Variants in TBC1D32 observed in about 807,000 individuals in gnomAD.
The protein encoded by TBC1D32 is TBC1 domain family member 32, also known as protein broad-minded.
In TBC1D32, 151 loss-of-function variants were observed where a neutral mutation model predicts 170.3. The ratio of observed to expected loss-of-function variants is 0.89; its 90% confidence interval spans 0.78 to 1.01. The LOEUF (loss-of-function observed/expected upper bound fraction) is 1.01. TBC1D32 is among the 50% of genes least tolerant of loss of function. The pLI is 0.00. For synonymous variants in TBC1D32, 498 were observed against 488.0 expected, an observed-to-expected ratio of 1.02 and a Z score of -0.27; for missense variants, 1,464 against 1,457.1, an observed-to-expected ratio of 1.00 and a Z score of -0.08.
At chr6:121,230,343 A>C (rs537675501) in intron 20 of TBC1D32, among the ~76,000 whole-genome samples, 1 of 152,280 alleles carries the variant, frequency 6.6e-6, no homozygotes, top group East Asian at 1.9e-4. Context: ...CTATATGCCA[A>C]GCATTCTGCC....
chr6:121,330,799 A>G (rs1811120926), intron 1 of TBC1D32, among the ~76,000 whole-genome samples: 1 of 152,172 alleles, frequency 6.6e-6, no homozygotes, highest in Non-Finnish European at 1.5e-5. Flanking sequence ...TTGAAAAGCA[A>G]TGCTGCTTTA....
chr6:121,192,084 C>CTA (rs1562844877), intron 22 of TBC1D32, among the ~76,000 whole-genome samples: 2 of 126,344 alleles, frequency 1.6e-5, no homozygotes, highest in South Asian at 4.4e-4. Flanking sequence ...ATATATATAT[C>CTA]CTATTAGTTC....
intron 4 of TBC1D32, 72 bp from the exon 5 acceptor site, chr6:121,308,173 T>C: frequency 2.1e-6 from 3 of 1,416,002 alleles, no homozygotes; most frequent in Non-Finnish European, 2.9e-6. Context: ...AAACAATATT[T>C]AACAAACTAC....
intron 15 of TBC1D32, among the ~76,000 whole-genome samples, chr6:121,268,941 G>C (rs1276486948): frequency 1.3e-5 from 2 of 152,180 alleles, no homozygotes; most frequent in Non-Finnish European, 2.9e-5. Flanking sequence ...AGCCAGAAGA[G>C]AGTAGCAGCC....
rs778914931 is a variant in TBC1D32 at position 121,223,274 on chromosome 6, T to C, written c.2443A>G (p.Thr815Ala). 20 of 1,590,392 alleles carry C rather than the reference T, an allele frequency of 1.3e-5. No individual in the cohort carries two copies. Among genetic ancestry groups the C allele is most frequent in the Non-Finnish European group, 1.7e-5 (20 of 1,171,824 alleles). ...GGGACTTCACGAAGAGAATATTCTG[T>C]TTTATTAGGAAGATCTTGATTCCTT... ...LVRNQDLPNKTEYSLREVPTC... is the reference protein window; with the variant it reads ...LVRNQDLPNKAEYSLREVPTC... The change falls in exon 21 of 32, where the codon ACA becomes GCA. Residue 815 changes from threonine to alanine, a missense_variant. This residue lies in a region of TBC1D32 where 1,363 missense variants were observed against 1,338.1 expected (regional missense o/e 1.02). Transcript: ENST00000398212.
chr6:121,261,187 C>T (rs1799718386), intron 15 of TBC1D32, among the ~76,000 whole-genome samples: 1 of 152,176 alleles, frequency 6.6e-6, no homozygotes, highest in Non-Finnish European at 1.5e-5. Context: ...TATGGAACAG[C>T]AGACTTAGTC....
chr6:121,149,441 A>G (rs1213181789), intron 24 of TBC1D32, among the ~76,000 whole-genome samples: 13 of 152,130 alleles, frequency 8.5e-5, no homozygotes, highest in Non-Finnish European at 2.9e-5. Context: ...TGTATAAGTT[A>G]TAACAAAGGG....
intron 22 of TBC1D32, among the ~76,000 whole-genome samples, chr6:121,177,003 C>T (rs1348301355): frequency 6.6e-6 from 1 of 152,140 alleles, no homozygotes; most frequent in Non-Finnish European, 1.5e-5. Context: ...GGTGATGCTA[C>T]TGTGCTGCCA....
intron 1 of TBC1D32, among the ~76,000 whole-genome samples, chr6:121,329,947 G>T (rs975085168): frequency 6.6e-6 from 1 of 152,030 alleles, no homozygotes; most frequent in Admixed American, 6.6e-5. Flanking sequence ...TCATAATAAA[G>T]TTACTAGGAA....
chr6:121,234,537 A>G (rs1563009354), intron 20 of TBC1D32, among the ~76,000 whole-genome samples: 1 of 151,962 alleles, frequency 6.6e-6, no homozygotes, highest in Non-Finnish European at 1.5e-5. Context: ...GCATTTCTCT[A>G]AGTGTATCCT....
Position 121,281,552 on chromosome 6 carries a change from C to T in TBC1D32, c.1600G>A (p.Gly534Arg). ...TAGTAAATAATACGAACCTCATTTC[C>T]TTTCATTAAATTGTGAATAGGCTGA... ...LLQPIHNLMK[G>R]NEASPNCSET... Residue 534 changes from glycine to arginine, a missense_variant, in exon 14 of 32, where the codon GGA (glycine) becomes AGA (arginine). Transcript: ENST00000398212. 6.2e-7 allele frequency: 1 copy of T among 1,604,516 alleles called. No individual in the cohort carries two copies. The highest frequency in any genetic ancestry group is 8.5e-7 in the Non-Finnish European group (1 of 1,175,024).
chr6:121,233,056 C>T (rs575277966), intron 20 of TBC1D32, among the ~76,000 whole-genome samples: 3 of 152,162 alleles, frequency 2.0e-5, no homozygotes, highest in African/African-American at 7.2e-5. Flanking sequence ...TTTTATTCCA[C>T]TGTGGTCTGA....
intron 22 of TBC1D32, among the ~76,000 whole-genome samples, chr6:121,201,961 A>G (rs1791626412): frequency 6.6e-6 from 1 of 151,378 alleles, no homozygotes; most frequent in South Asian, 2.1e-4. Flanking sequence ...TTAATGAGAC[A>G]GAAATGAAAG....
intron 1 of TBC1D32, 97 bp downstream of exon 1, chr6:121,334,179 A>G: frequency 9.9e-7 from 1 of 1,005,316 alleles, no homozygotes; most frequent in African/African-American, 1.7e-5. Flanking sequence ...GTTGGGCACT[A>G]TTTTAAAAAC....
chr6:121,090,061 T>C (rs1042515003), intron 31 of TBC1D32, among the ~76,000 whole-genome samples: 3 of 151,872 alleles, frequency 2.0e-5, no homozygotes, highest in Admixed American at 2.0e-4. Context: ...GCCTCCTGAG[T>C]AGCTGGGACT....
At chr6:121,267,202 G>T (rs1300327597) in intron 15 of TBC1D32, among the ~76,000 whole-genome samples, 2 of 151,700 alleles carry the variant, frequency 1.3e-5, no homozygotes, top group Non-Finnish European at 2.9e-5. Context: ...CTCCCAGCGT[G>T]AGCGACGCAG....
intron 12 of TBC1D32, among the ~76,000 whole-genome samples, chr6:121,290,673 T>C (rs1804692446): frequency 6.6e-6 from 1 of 152,134 alleles, no homozygotes; most frequent in African/African-American, 2.4e-5. Context: ...GGATTATAAA[T>C]CATGCTGCTA....
rs397887772 is a variant in TBC1D32 at position 121,091,045 on chromosome 6, T to TAA, written c.3466-6_3466-5dup. Reference sequence around the variant, plus strand: ...GGGTTATCCATTGCAGGCAAATCTTTAAAAAAAAAAAGTAGTAAGTTCATT... The same window carrying TAA: ...GGGTTATCCATTGCAGGCAAATCTTTAAAAAAAAAAAAAGTAGTAAGTTCATT... On this transcript the variant is annotated splice_polypyrimidine_tract_variant and splice_region_variant and intron_variant, in intron 30 of 31. Transcript: ENST00000398212. 1,646 of 1,300,080 alleles carry TAA rather than the reference T, an allele frequency of 1.3e-3. 1 individual carries two copies. The highest frequency in any genetic ancestry group is 9.7e-3 in the African/African-American group (643 of 66,232). 80.5% of individuals were successfully genotyped at this position (1,300,080 alleles called of 1,614,324 possible).
At chr6:121,206,857 A>C (rs1332376209) in intron 21 of TBC1D32, among the ~76,000 whole-genome samples, 2 of 152,210 alleles carry the variant, frequency 1.3e-5, no homozygotes, top group African/African-American at 4.8e-5. Flanking sequence ...ACTCATATTC[A>C]TATTCCCAGC....
Sources: gnomAD v4.1 joint callset for allele counts (sites outside exome capture counted in the v4.1 genomes callset) on GRCh38, gnomAD v4.1.1 for gene constraint, gnomAD v4.1.1 regional missense constraint, MANE v1.5 for transcripts, NCBI Gene and HGNC (gene_info 2026-07-23, HGNC 2026-07-21) for gene names.